Variants in DENND2D observed in about 807,000 individuals in gnomAD.
DENND2D encodes DENN domain-containing protein 2D.
A neutral mutation model predicts 59.8 loss-of-function variants in DENND2D; 37 were observed. The observed-to-expected ratio is 0.62, with a 90% CI of 0.48 to 0.81. The LOEUF (loss-of-function observed/expected upper bound fraction) is 0.81, where lower values mean the gene tolerates loss of function less well. Ranked by LOEUF, DENND2D falls within the 40% of genes least tolerant of loss-of-function variation. The pLI is 0.00. For synonymous variants in DENND2D, 219 were observed against 211.3 expected (o/e 1.04, Z -0.31); for missense variants, 525 against 579.7 (o/e 0.91, Z 0.97).
chr1:111,187,568 G>A lies in DENND2D; in HGVS notation c.*37C>T. Reference sequence around the variant, plus strand: ...CTGGCAGGGGCTGAAGTCCAGAAATGGTGTGTAGCTCTAGTCATTCTTATT... The same window carrying A: ...CTGGCAGGGGCTGAAGTCCAGAAATAGTGTGTAGCTCTAGTCATTCTTATT... On this transcript the variant is annotated 3_prime_UTR_variant, in exon 12 of 12. Transcript: ENST00000357640. 1.3e-6 allele frequency: 2 copies of A among 1,567,154 alleles called. No homozygotes were observed. Among genetic ancestry groups the A allele is most frequent in the Non-Finnish European group, 8.8e-7 (1 of 1,137,986 alleles).
At chr1:111,194,043 A>G (rs900844404) in intron 7 of DENND2D, among the ~76,000 whole-genome samples, 26 of 152,236 alleles carry the variant, frequency 1.7e-4, no homozygotes, top group African/African-American at 6.0e-4. Flanking sequence ...ACTTAATGGG[A>G]ACCTCATAGC....
intron 4 of DENND2D, chr1:111,197,603 C>T (rs997692809): frequency 5.9e-6 from 8 of 1,351,972 alleles, no homozygotes; most frequent in African/African-American, 4.4e-5. Flanking sequence ...TGTCCAAGTC[C>T]CAGCCTCTGC....
At chr1:111,203,503 T>G (rs1659005382), upstream of DENND2D, among the ~76,000 whole-genome samples, 2 of 152,144 alleles carry the variant, frequency 1.3e-5, no homozygotes, top group Admixed American at 1.3e-4. Flanking sequence ...ATTTGCCGAG[T>G]GAATGAATAA....
intron 5 of DENND2D, 171 bp from the exon 6 acceptor site, chr1:111,196,227 G>T: frequency 1.4e-6 from 1 of 706,406 alleles, no homozygotes; most frequent in Non-Finnish European, 2.2e-6. Context: ...GGCAGAGGCT[G>T]GGCTCATGCT....
intron 7 of DENND2D, 103 bp from the exon 8 acceptor site, chr1:111,192,420 T>G: frequency 1.6e-6 from 2 of 1,261,038 alleles, no homozygotes; most frequent in Non-Finnish European, 2.1e-6. Context: ...GTGCTGCCCA[T>G]GCCCATGGGC....
chr1:111,189,123 A>G, intron 9 of DENND2D, 89 bp downstream of exon 9: 1 of 1,459,164 alleles, frequency 6.9e-7, no homozygotes, highest in Admixed American at 1.7e-5. Context: ...AAAGAACTTA[A>G]ATGTTTGTTT....
rs1464385235 is a variant in DENND2D at position 111,188,139 on chromosome 1, G to A, written c.1331C>T (p.Pro444Leu). ...GGGGACTGTTACTGTACCTGCAGGA[G>A]GATTCTTGCTCTTCTCGGCTTCCTG... is the stretch of plus-strand genomic sequence containing the variant. ...FIQEAEKSKN[P>L]PAGYFQQKIL... Residue 444 changes from proline to leucine, a missense_variant, in exon 11 of 12, where the codon CCT (proline) becomes CTT (leucine). Transcript: ENST00000357640. 2 of 1,614,172 alleles carry A rather than the reference G, an allele frequency of 1.2e-6. No individual in the cohort carries two copies. Among genetic ancestry groups the A allele is most frequent in the Admixed American group, 3.3e-5 (2 of 60,028 alleles).
At position 111,188,787 on chromosome 1, in the gene DENND2D, C is replaced by G; in HGVS notation, c.1015-1G>C. The G allele has an allele frequency of 6.2e-7, 1 of 1,613,850 alleles. No individual in the cohort carries two copies. The highest frequency in any genetic ancestry group is 1.3e-5 in the African/African-American group (1 of 74,988). On this transcript the variant is annotated splice_acceptor_variant, in intron 9 of 11. Transcript: ENST00000357640. LOFTEE classifies it high-confidence loss of function. ...GCAGGATGTCTTTTTCATCACCAACCTAGAAGAGGACAGAGCTCCGAGGTC... is the reference window on the plus strand; with the variant it reads ...GCAGGATGTCTTTTTCATCACCAACGTAGAAGAGGACAGAGCTCCGAGGTC...
At chr1:111,203,629 G>C (rs1044414783), upstream of DENND2D, among the ~76,000 whole-genome samples, 1 of 152,246 alleles carries the variant, frequency 6.6e-6, no homozygotes, top group African/African-American at 2.4e-5. Context: ...ATCCTGGACG[G>C]GGGAATTATG....
intron 4 of DENND2D, 153 bp from the exon 5 acceptor site, chr1:111,197,406 AAAG>A (rs1219424607): frequency 1.4e-6 from 2 of 1,457,272 alleles, no homozygotes; most frequent in Non-Finnish European, 1.8e-6. Flanking sequence ...ACCAGCATCA[AAAG>A]AAGAAATCCT....
intron 8 of DENND2D, 106 bp downstream of exon 8, chr1:111,192,034 A>G: frequency 9.5e-7 from 1 of 1,057,412 alleles, no homozygotes; most frequent in Non-Finnish European, 1.3e-6. Context: ...AGGCTTAAAG[A>G]GGTAAGGTAA....
intron 6 of DENND2D, 58 bp from the exon 7 acceptor site, chr1:111,194,784 C>T (rs895011346): frequency 4.5e-5 from 72 of 1,588,358 alleles, no homozygotes; most frequent in East Asian, 1.1e-4. Flanking sequence ...ATGCAGACCC[C>T]GAGGTGCTAG....
At chr1:111,190,089 G>C (rs2209457) in intron 8 of DENND2D, among the ~76,000 whole-genome samples, 3 of 150,516 alleles carry the variant, frequency 2.0e-5, no homozygotes, top group South Asian at 2.1e-4. Flanking sequence ...GCGTGAACCC[G>C]GGAGGCGGAG....
chr1:111,203,177 C>G (rs1178607579), upstream of DENND2D, among the ~76,000 whole-genome samples: 1 of 152,210 alleles, frequency 6.6e-6, no homozygotes, highest in Non-Finnish European at 1.5e-5. Flanking sequence ...AGATCTGTGT[C>G]TAGAGAGGAC....
Position 111,194,674 on chromosome 1 carries a change from C to G in DENND2D, c.698G>C (p.Ser233Thr), listed in dbSNP as rs773741990. 1 of 1,613,912 alleles carries G rather than the reference C, an allele frequency of 6.2e-7. No homozygotes were observed. The highest frequency in any genetic ancestry group is 1.3e-5 in the African/African-American group (1 of 74,864). Residue 233 changes from serine (S) to threonine (T), a missense_variant, in exon 7 of 12, where the codon AGT becomes ACT. Ser to Thr is a moderately conservative substitution (Grantham distance 58). This residue lies in a region of DENND2D where 47 missense variants were observed against 80.9 expected (regional missense o/e 0.58). Transcript: ENST00000357640. The stretch of plus-strand genomic sequence containing the variant: ...AAAACTGAGACAGTGCAATAGAGAA[C>G]TAAAATCCACATGTTCTAGGTGGGA... ...LDSHLEHVDF[S>T]SLLHCLSFEQ...
intron 3 of DENND2D, 74 bp downstream of exon 3, chr1:111,198,556 C>T (rs1014591160): frequency 3.2e-5 from 46 of 1,424,194 alleles, no homozygotes; most frequent in African/African-American, 5.6e-5. Flanking sequence ...GTGAGGGAGG[C>T]TACAGGAGCC....
rs1658612428 is a variant in DENND2D, at chr1:111,199,739, A to G, written c.127T>C (p.Ser43Pro). ...LKEPERAQEH[S>P]LPNFAGGQHF... The stretch of plus-strand genomic sequence containing the variant: ...TGCCCCCCAGCAAAGTTGGGCAAAG[A>G]GTGCTCCTGGGCCCTTTCTGGTTCC... The change falls in exon 2 of 12, where the codon TCT becomes CCT. Residue 43 changes from serine to proline, a missense_variant. By Grantham distance (74) the Ser-to-Pro change is moderately conservative (BLOSUM62 -1). Coordinates refer to ENST00000357640, the MANE Select transcript of DENND2D (RefSeq NM_024901.5). 2.5e-6 allele frequency: 4 copies of G among 1,614,130 alleles called. No individual in the cohort carries two copies. The highest frequency in any genetic ancestry group is 2.5e-6 in the Non-Finnish European group (3 of 1,180,018).
In DENND2D at chr1:111,198,654, C is replaced by T; in HGVS notation, c.332G>A (p.Trp111Ter). The T allele has an allele frequency of 6.2e-7, 1 of 1,614,144 alleles. No individual in the cohort carries two copies. Among genetic ancestry groups the T allele is most frequent in the Non-Finnish European group, 8.5e-7 (1 of 1,180,020 alleles). ...CCTGGGATACTCGGTGAGTGATGCC[C>T]ACTCATTCCCATCTGGGAAGCAGAA... Reference protein sequence around the residue: ...PLFCFPDGNEWASLTEYPRET... With the variant: ...PLFCFPDGNE Residue 111 changes from tryptophan (W) to a stop codon, truncating the protein, a stop_gained, in exon 3 of 12, where the codon TGG becomes TAG. Coordinates refer to ENST00000357640, the MANE Select transcript of DENND2D (RefSeq NM_024901.5). LOFTEE classifies it high-confidence loss of function.
intron 6 of DENND2D, 123 bp from the exon 7 acceptor site, chr1:111,194,849 T>C: frequency 9.3e-7 from 1 of 1,072,558 alleles, no homozygotes; most frequent in Non-Finnish European, 1.3e-6. Flanking sequence ...GCCCTGTCTC[T>C]CTGTCCCCCT....
Sources: allele counts gnomAD v4.1 joint callset (sites outside exome capture counted in the v4.1 genomes callset), GRCh38; gene constraint gnomAD v4.1.1; regional missense constraint gnomAD v4.1.1; transcripts MANE v1.5; gene names NCBI Gene and HGNC (gene_info 2026-07-23, HGNC 2026-07-21).